Variants in PCGF3 observed in about 807,000 individuals in gnomAD.
PCGF3 encodes polycomb group RING finger protein 3.
Under a neutral mutation model 33.1 loss-of-function variants are expected in PCGF3, and 7 were observed. The observed-to-expected ratio is 0.21, with a 90% CI of 0.12 to 0.40. The LOEUF (loss-of-function observed/expected upper bound fraction) is 0.40. PCGF3 is among the 10% of genes least tolerant of loss of function. PCGF3 has a pLI of 1.00. For synonymous variants in PCGF3, 153 were observed against 121.3 expected (o/e 1.26, Z -1.72); for missense variants, 211 against 313.3 (o/e 0.67, Z 2.46).
rs1008529556 is a variant in PCGF3, at chr4:720,741, C to A, written c.-189-9889C>A. On this transcript the variant is annotated intron_variant, in intron 1 of 10. Transcript: ENST00000362003. The surrounding 1 kb of genome is among the most constrained non-coding windows in gnomAD (Gnocchi z 5.6). ...ACGGGCGGTGACGTGCGTGTGGACC[C>A]GGCGTGGACGCAGCCCCGACGTGAA... Among the ~76,000 whole-genome samples, 1 of 148,210 alleles carries A rather than the reference C, an allele frequency of 6.7e-6. No homozygotes were observed. The highest frequency in any genetic ancestry group is 2.5e-5 in the African/African-American group (1 of 39,834).
chr4:747,689 C>G (rs1443856903), intron 8 of PCGF3, among the ~76,000 whole-genome samples: 1 of 151,198 alleles, frequency 6.6e-6, no homozygotes, highest in South Asian at 2.1e-4. Context: ...TTAGTGCTCG[C>G]CGTGGAGGCG....
At position 768,960 on chromosome 4, in the gene PCGF3, T is replaced by C. The variant is rs555161749; in HGVS notation, c.*2881T>C. ...GTAATGTAGCATTTATTTTGCTAAA[T>C]TGAAAGGGAACATAGATGGAATTCC... is the stretch of plus-strand genomic sequence containing the variant. On this transcript the variant is annotated 3_prime_UTR_variant, in exon 11 of 11. Transcript: ENST00000362003. 9 of 152,810 alleles carry C rather than the reference T, an allele frequency of 5.9e-5. No homozygotes were observed. In the East Asian group the frequency reaches 1.2e-3, roughly 20 times the overall value. 9.5% of individuals were successfully genotyped at this position (152,810 alleles called of 1,614,324 possible). A position where few individuals can be genotyped will look rare whatever the true frequency, so the allele number is the denominator to read the frequency against.
At chr4:716,977 G>A (rs1274031674) in intron 1 of PCGF3, among the ~76,000 whole-genome samples, 1 of 140,618 alleles carries the variant, frequency 7.1e-6, no homozygotes, top group Non-Finnish European at 1.5e-5. Context: ...TCGGTGCTGG[G>A]ACCCTGTAGA....
chr4:757,522 T>A (rs1560216642), intron 8 of PCGF3: 1 of 152,296 alleles, frequency 6.6e-6, no homozygotes, highest in African/African-American at 2.4e-5. Context: ...CTAATCTAGC[T>A]ATGCCAGCTT....
chr4:734,591 G>C lies in PCGF3; in HGVS notation c.110-340G>C, dbSNP rs540156063. 3.0e-4 allele frequency: 356 copies of C among 1,168,534 alleles called. 4 individuals carry two copies. Among genetic ancestry groups the C allele is most frequent in the Middle Eastern group, 2.5e-3 (7 of 2,788 alleles). 72.4% of individuals were successfully genotyped at this position (1,168,534 alleles called of 1,614,324 possible). A position where few individuals can be genotyped will look rare whatever the true frequency, so the allele number is the denominator to read the frequency against. On this transcript the variant is annotated intron_variant, in intron 4 of 10. Transcript: ENST00000362003. ...CGTAGAAGATACTGTCATCTTTTAGGACAAAGTATTGTAAAATTATCTGTT... is the reference window on the plus strand; with the variant it reads ...CGTAGAAGATACTGTCATCTTTTAGCACAAAGTATTGTAAAATTATCTGTT...
intron 8 of PCGF3, chr4:757,130 CGT>C (rs1400674380): frequency 6.6e-6 from 1 of 152,260 alleles, no homozygotes; most frequent in African/African-American, 2.4e-5. Context: ...TCTGAGCAAA[CGT>C]AAACATATTT....
chr4:744,238 A>C (rs1424330142), intron 7 of PCGF3, among the ~76,000 whole-genome samples: 2 of 152,206 alleles, frequency 1.3e-5, no homozygotes, highest in African/African-American at 4.8e-5. Context: ...GAAACAGTGG[A>C]TTTTTAGGAG....
exon 5 of PCGF3, chr4:735,016 G>C (rs776805566): frequency 2.4e-5 from 39 of 1,612,316 alleles, no homozygotes; most frequent in African/African-American, 1.1e-4. Flanking sequence ...GCCACCCCCT[G>C]CAGTACATCG....
Position 731,128 on chromosome 4 carries a change from C to A in PCGF3, c.-10+18C>A, listed in dbSNP as rs1011506447. ...TAGCGGAGGTGAGGCCCACGCCCCC[C>A]GACCCCGGGGGTCCTGCTGACTCCT... On this transcript the variant is annotated intron_variant, in intron 3 of 10. Coordinates refer to ENST00000362003, the Ensembl canonical transcript of PCGF3. The A allele has an allele frequency of 5.0e-6, 2 of 398,460 alleles. No individual in the cohort carries two copies. The highest frequency in any genetic ancestry group is 8.8e-5 in the Admixed American group (2 of 22,720). 24.7% of individuals were successfully genotyped at this position (398,460 alleles called of 1,614,324 possible).
At chr4:751,364 T>C (rs1744504077) in intron 8 of PCGF3, among the ~76,000 whole-genome samples, 2 of 152,196 alleles carry the variant, frequency 1.3e-5, no homozygotes. Context: ...GACGTTATAG[T>C]TATTTAGGCT....
intron 1 of PCGF3, among the ~76,000 whole-genome samples, chr4:712,171 A>G (rs1436327205): frequency 6.6e-6 from 1 of 152,164 alleles, no homozygotes; most frequent in Non-Finnish European, 1.5e-5. Flanking sequence ...AATTTTAAAA[A>G]TGTGAGGCCT....
chr4:753,063 C>G (rs1015041176), intron 8 of PCGF3, among the ~76,000 whole-genome samples: 3 of 152,264 alleles, frequency 2.0e-5, no homozygotes, highest in Non-Finnish European at 2.9e-5. Context: ...GGAGGCCCCT[C>G]TGGGTGCTGA....
At chr4:727,045 C>T (rs1198923302) in intron 1 of PCGF3, among the ~76,000 whole-genome samples, 1 of 152,116 alleles carries the variant, frequency 6.6e-6, no homozygotes. Flanking sequence ...CCTGTGGGAT[C>T]GTGGGCACCT....
chr4:763,753 C>T (rs1174121577), intron 9 of PCGF3, among the ~76,000 whole-genome samples: 4 of 152,216 alleles, frequency 2.6e-5, no homozygotes, highest in East Asian at 1.9e-4. Flanking sequence ...AAACCTGCAC[C>T]CGGATGTTGA....
rs1743081518 is a variant in PCGF3 at position 721,664 on chromosome 4, T to C, written c.-189-8966T>C. 6.6e-6 allele frequency among the ~76,000 whole-genome samples: 1 copy of C among 151,868 alleles called. No individual in the cohort carries two copies. Among genetic ancestry groups the C allele is most frequent in the Admixed American group, 6.5e-5 (1 of 15,272 alleles). On this transcript the variant is annotated intron_variant, in intron 1 of 10. Coordinates refer to ENST00000362003, the Ensembl canonical transcript of PCGF3. The surrounding 1 kb of genome is among the most constrained non-coding windows in gnomAD (Gnocchi z 4.1). ...CAGGCCCCAGGGCCTGTAGGACCCTTAGGGAGACGGGTGGCTCTGCGTGTG... is the reference window on the plus strand; with the variant it reads ...CAGGCCCCAGGGCCTGTAGGACCCTCAGGGAGACGGGTGGCTCTGCGTGTG...
intron 8 of PCGF3, among the ~76,000 whole-genome samples, chr4:754,983 A>G (rs950902903): frequency 3.3e-5 from 5 of 152,206 alleles, no homozygotes; most frequent in African/African-American, 1.2e-4. Context: ...CAGGTGGACA[A>G]GGAGCTCAGT....
chr4:740,086 C>T lies in PCGF3; in HGVS notation c.262+2565C>T, dbSNP rs926462794. ...CTACTTGCAATTTGTTTAGTTTTATCTGTGGTGCAGACAATTGCAAACCTC... is the reference window on the plus strand; with the variant it reads ...CTACTTGCAATTTGTTTAGTTTTATTTGTGGTGCAGACAATTGCAAACCTC... On this transcript the variant is annotated intron_variant, in intron 6 of 10. Transcript: ENST00000362003. 8.5e-5 allele frequency among the ~76,000 whole-genome samples: 13 copies of T among 152,374 alleles called. No homozygotes were observed. The South Asian group carries it at 2.7e-3, about 32-fold the overall frequency.
Position 718,852 on chromosome 4 carries a change from A to G in PCGF3, c.-189-11778A>G, listed in dbSNP as rs115074593. 8.6e-3 allele frequency among the ~76,000 whole-genome samples: 1,305 copies of G among 152,314 alleles called. 23 individuals are homozygous for G. Among genetic ancestry groups the G allele is most frequent in the African/African-American group, 0.03 (1,245 of 41,562 alleles). ...TCAGTTCCTGCCTGGCCAGAGATGG[A>G]GCAGGGATGCTTACTGTCTTTCGAG... On this transcript the variant is annotated intron_variant, in intron 1 of 10. Coordinates refer to ENST00000362003, the Ensembl canonical transcript of PCGF3.
chr4:760,741 C>T (rs1745008424), intron 8 of PCGF3, among the ~76,000 whole-genome samples: 1 of 152,220 alleles, frequency 6.6e-6, no homozygotes, highest in Admixed American at 6.5e-5. Flanking sequence ...CCTTTTCGCA[C>T]CGGGCAGGGA....
Sources: allele counts gnomAD v4.1 joint callset (sites outside exome capture counted in the v4.1 genomes callset), GRCh38; gene constraint gnomAD v4.1.1; non-coding constraint Gnocchi (gnomAD v3.1); transcripts MANE v1.5; gene names NCBI Gene and HGNC (gene_info 2026-07-23, HGNC 2026-07-21).